Variants in PTPRD observed in about 807,000 individuals in gnomAD.
PTPRD encodes the protein protein tyrosine phosphatase receptor type D.
Under a neutral mutation model 214.5 loss-of-function variants are expected in PTPRD, and 34 were observed. The observed-to-expected ratio is 0.16, with a 90% CI of 0.12 to 0.21. The LOEUF is 0.21. PTPRD is among the 10% of genes least tolerant of loss of function. The pLI is 1.00. For missense variants in PTPRD, 2,545 were observed against 2,398.7 expected, an observed-to-expected ratio of 1.06 and a Z score of -1.27; for synonymous variants, 1,128 against 845.7, an observed-to-expected ratio of 1.33 and a Z score of -5.79.
chr9:10,176,716 C>T (rs1197034193), intron 3 of PTPRD, among the ~76,000 whole-genome samples: 5 of 151,852 alleles, frequency 3.3e-5, no homozygotes, highest in African/African-American at 7.2e-5. Context: ...GTTTATGAGC[C>T]GCACAGTCAT....
chr9:8,692,573 T>C (rs977104242), intron 12 of PTPRD, among the ~76,000 whole-genome samples: 3 of 152,178 alleles, frequency 2.0e-5, no homozygotes, highest in African/African-American at 7.2e-5. Context: ...ATCTCTACCA[T>C]AGGAAAGCTA....
intron 11 of PTPRD, among the ~76,000 whole-genome samples, chr9:8,846,735 G>C (rs971019979): frequency 2.0e-5 from 3 of 152,184 alleles, no homozygotes; most frequent in Non-Finnish European, 4.4e-5. Context: ...GTTAGGGATG[G>C]AAGGAGTGGG....
At chr9:8,562,075 T>TA (rs2086614791) in intron 14 of PTPRD, among the ~76,000 whole-genome samples, 1 of 152,166 alleles carries the variant, frequency 6.6e-6, no homozygotes, top group Admixed American at 6.5e-5. Flanking sequence ...ATGTAACTGA[T>TA]ACATTTGAAG....
intron 4 of PTPRD, among the ~76,000 whole-genome samples, chr9:10,014,725 G>A (rs888394955): frequency 5.9e-5 from 9 of 151,936 alleles, no homozygotes; most frequent in African/African-American, 1.9e-4. Context: ...TGGAACAAAT[G>A]CATATTTTTA....
intron 4 of PTPRD, among the ~76,000 whole-genome samples, chr9:9,961,053 T>C (rs1357309463): frequency 1.3e-5 from 2 of 151,110 alleles, no homozygotes; most frequent in East Asian, 3.9e-4. Flanking sequence ...AACAGACACA[T>C]GAAAAAATGC....
intron 9 of PTPRD, among the ~76,000 whole-genome samples, chr9:9,236,854 C>T (rs894909506): frequency 3.3e-5 from 5 of 152,024 alleles, no homozygotes; most frequent in African/African-American, 7.2e-5. Flanking sequence ...AATTGACTAC[C>T]GCCAGCTCTC....
intron 10 of PTPRD, among the ~76,000 whole-genome samples, chr9:9,159,586 T>C (rs2099884552): frequency 6.6e-6 from 1 of 152,188 alleles, no homozygotes; most frequent in African/African-American, 2.4e-5. Flanking sequence ...TAATATCCTG[T>C]GTTCATGGAT....
chr9:8,555,345 T>C (rs546787855), intron 14 of PTPRD, among the ~76,000 whole-genome samples: 36 of 152,202 alleles, frequency 2.4e-4, no homozygotes, highest in Admixed American at 1.8e-3. Context: ...AGGACAAAGC[T>C]GCAGTAAGCT....
intron 11 of PTPRD, among the ~76,000 whole-genome samples, chr9:8,769,412 G>A (rs929537929): frequency 1.3e-5 from 2 of 152,192 alleles, no homozygotes; most frequent in Non-Finnish European, 2.9e-5. Context: ...ACCTGAGAGT[G>A]TTTTCAGTGA....
At chr9:8,352,572 A>T (rs2075813429) in intron 39 of PTPRD, among the ~76,000 whole-genome samples, 1 of 152,170 alleles carries the variant, frequency 6.6e-6, no homozygotes, top group Non-Finnish European at 1.5e-5. Flanking sequence ...AGTTACAATC[A>T]CATGGACTAC....
chr9:9,244,800 C>T (rs940507447), intron 9 of PTPRD, among the ~76,000 whole-genome samples: 1 of 152,210 alleles, frequency 6.6e-6, no homozygotes, highest in Admixed American at 6.5e-5. Context: ...TCTCATTAAA[C>T]TAAAGAGCTT....
intron 7 of PTPRD, among the ~76,000 whole-genome samples, chr9:9,713,749 A>C (rs2097773491): frequency 6.6e-6 from 1 of 152,148 alleles, no homozygotes; most frequent in African/African-American, 2.4e-5. Flanking sequence ...AAGAGAACAG[A>C]ATATTGGTAG....
At chr9:10,261,614 A>T (rs1485961530) in intron 3 of PTPRD, among the ~76,000 whole-genome samples, 1 of 152,122 alleles carries the variant, frequency 6.6e-6, no homozygotes, top group Non-Finnish European at 1.5e-5. Context: ...CTGTACTAGT[A>T]TATTTATATA....
intron 10 of PTPRD, among the ~76,000 whole-genome samples, chr9:9,156,325 C>A (rs1197108566): frequency 6.6e-6 from 1 of 151,692 alleles, no homozygotes; most frequent in Non-Finnish European, 1.5e-5. Flanking sequence ...GTAAAATTCC[C>A]ATTTTCTACC....
At chr9:9,577,267 A>G (rs2089190332) in intron 7 of PTPRD, among the ~76,000 whole-genome samples, 1 of 152,166 alleles carries the variant, frequency 6.6e-6, no homozygotes, top group Non-Finnish European at 1.5e-5. Flanking sequence ...ATATACATTT[A>G]AAAAGGAAAG....
At chr9:9,436,105 T>C (rs577191986) in intron 8 of PTPRD, among the ~76,000 whole-genome samples, 1 of 152,268 alleles carries the variant, frequency 6.6e-6, no homozygotes, top group African/African-American at 2.4e-5. Context: ...GGAATAAATA[T>C]TCTGTAGGAT....
At chr9:10,400,093 G>C (rs2098244539) in intron 2 of PTPRD, among the ~76,000 whole-genome samples, 1 of 151,808 alleles carries the variant, frequency 6.6e-6, no homozygotes, top group Non-Finnish European at 1.5e-5. Context: ...TAGTGGTTAA[G>C]CATGTGTTCA....
chr9:8,857,347 G>C (rs1274309245), intron 11 of PTPRD, among the ~76,000 whole-genome samples: 1 of 152,184 alleles, frequency 6.6e-6, no homozygotes, highest in Non-Finnish European at 1.5e-5. Context: ...GGAGGAGAGA[G>C]CGGGGGTCGC....
chr9:8,735,675 C>A (rs1019554453), intron 11 of PTPRD, among the ~76,000 whole-genome samples: 1 of 151,876 alleles, frequency 6.6e-6, no homozygotes, highest in Non-Finnish European at 1.5e-5. Flanking sequence ...TTTCGGAAGC[C>A]GAGGCAGGAG....
Sources: allele counts gnomAD v4.1 joint callset (sites outside exome capture counted in the v4.1 genomes callset), GRCh38; gene constraint gnomAD v4.1.1; transcripts MANE v1.5; gene names NCBI Gene and HGNC (gene_info 2026-07-23, HGNC 2026-07-21).